The following CSF1R variants were observed in gnomAD, a reference collection of about 807,000 sequenced individuals.
CSF1R encodes the protein colony stimulating factor 1 receptor.
CSF1R carries 40 observed loss-of-function variants against 110.0 expected under a neutral mutation model. That is an observed-to-expected ratio of 0.36 (90% CI 0.28 to 0.47). The LOEUF is 0.47. Ranked by LOEUF, CSF1R falls within the 20% of genes least tolerant of loss-of-function variation. The pLI is 0.99. For synonymous variants in CSF1R, 523 were observed against 503.4 expected, an observed-to-expected ratio of 1.04 and a Z score of -0.52; for missense variants, 1,052 against 1,253.0, an observed-to-expected ratio of 0.84 and a Z score of 2.42.
At chr5:150,054,727 C>A (rs915980385) in intron 19 of CSF1R, 1 of 346,486 alleles carries the variant, frequency 2.9e-6, no homozygotes, top group African/African-American at 2.1e-5. Context: ...TGGCTCATTC[C>A]TGTAATCCCA....
rs1484548899 is a variant in CSF1R, at chr5:150,080,040, T to C, written c.592+12A>G. ...CTTCAGGCCTGGCTGCCGGTCCCCATGCCCCACGCACCTTTCTGCACTTTC... is the reference window on the plus strand; with the variant it reads ...CTTCAGGCCTGGCTGCCGGTCCCCACGCCCCACGCACCTTTCTGCACTTTC... On this transcript the variant is annotated intron_variant, in intron 3 of 20. Transcript: ENST00000675795. 2.5e-6 allele frequency: 4 copies of C among 1,609,040 alleles called. No homozygotes were observed. Among genetic ancestry groups the C allele is most frequent in the Non-Finnish European group, 3.4e-6 (4 of 1,176,264 alleles).
At chr5:150,105,945 G>A (rs551242138) in intron 1 of CSF1R, among the ~76,000 whole-genome samples, 11 of 152,346 alleles carry the variant, frequency 7.2e-5, no homozygotes, top group Non-Finnish European at 1.3e-4. Flanking sequence ...CCATTTTGCC[G>A]ATGAGGAAAC....
At chr5:150,101,456 G>A (rs1011122345) in intron 1 of CSF1R, among the ~76,000 whole-genome samples, 3 of 152,196 alleles carry the variant, frequency 2.0e-5, no homozygotes, top group African/African-American at 7.2e-5. Flanking sequence ...CTAACTGATA[G>A]AGTGAGCTAA....
At chr5:150,066,126 G>T (rs1191203754) in intron 10 of CSF1R, among the ~76,000 whole-genome samples, 1 of 152,116 alleles carries the variant, frequency 6.6e-6, no homozygotes, top group Non-Finnish European at 1.5e-5. Context: ...GATGATGCCC[G>T]ACCTCAGACC....
upstream of CSF1R, among the ~76,000 whole-genome samples, chr5:150,089,905 G>T (rs1048677653): frequency 1.3e-5 from 2 of 152,078 alleles, no homozygotes; most frequent in African/African-American, 4.8e-5. Flanking sequence ...ATTCAACAAG[G>T]GTGGCAGGAC....
At chr5:150,073,224 G>T in intron 6 of CSF1R, 77 bp downstream of exon 6, 1 of 1,455,876 alleles carries the variant, frequency 6.9e-7, no homozygotes, top group Non-Finnish European at 9.4e-7. Context: ...TGGGACATGA[G>T]CCAAGCGTCC....
chr5:150,081,468 G>GA (rs747828024), intron 1 of CSF1R, among the ~76,000 whole-genome samples: 44 of 151,104 alleles, frequency 2.9e-4, no homozygotes, highest in Admixed American at 1.2e-3. Flanking sequence ...ATATGGGAAA[G>GA]AAAAAAAAAG....
At chr5:150,111,996 T>C (rs1581358965) in intron 1 of CSF1R, among the ~76,000 whole-genome samples, 1 of 152,356 alleles carries the variant, frequency 6.6e-6, no homozygotes, top group East Asian at 1.9e-4. Context: ...ATTACCTCTT[T>C]ACAAATGAGT....
chr5:150,105,386 T>TATATATATATATA (rs1561967340), intron 1 of CSF1R, among the ~76,000 whole-genome samples: 1 of 51,700 alleles, frequency 1.9e-5, no homozygotes, highest in East Asian at 4.2e-4. Context: ...ATATATATAT[T>TATATATATATATA]TTTTTTTTTT....
intron 19 of CSF1R, 60 bp downstream of exon 19, chr5:150,055,177 C>T (rs919462306): frequency 5.1e-5 from 74 of 1,464,946 alleles, no homozygotes; most frequent in Non-Finnish European, 7.0e-5. Context: ...CACGGCCTTC[C>T]ATCCCTTTCC....
rs767715037 is a variant in CSF1R, at chr5:150,055,239, A to G, written c.2652T>C (p.Asn884=). 6.2e-7 allele frequency: 1 copy of G among 1,613,882 alleles called. No individual in the cohort carries two copies. The highest frequency in any genetic ancestry group is 8.5e-7 in the Non-Finnish European group (1 of 1,179,822). The change falls in exon 19 of 21, where the codon AAT becomes AAC. Residue 884 remains asparagine, a splice_region_variant and synonymous_variant. Coordinates refer to ENST00000675795, the MANE Select transcript of CSF1R (RefSeq NM_001288705.3). ...QMAQPAFAPK[N]IYSIMQACWA... is the part of the protein sequence containing the mutation. ...CTCCCTGGGATCCCTTCGCTTACAT[A>G]TTCTTTGGGGCAAATGCAGGCTGGG...
chr5:150,060,774 A>G (rs1362885203), intron 13 of CSF1R, 88 bp downstream of exon 13: 8 of 786,548 alleles, frequency 1.0e-5, no homozygotes, highest in Admixed American at 9.9e-5. Context: ...GGATCCTGAG[A>G]AGGAGAAGAC....
At chr5:150,077,100 G>C in intron 5 of CSF1R, 176 bp downstream of exon 5, 1 of 756,364 alleles carries the variant, frequency 1.3e-6, no homozygotes, top group Non-Finnish European at 2.3e-6. Flanking sequence ...GATCCCAGGA[G>C]AGGGTAAGGG....
intron 5 of CSF1R, 127 bp from the exon 6 acceptor site, chr5:150,073,620 C>T: frequency 1.1e-6 from 1 of 879,490 alleles, no homozygotes; most frequent in South Asian, 1.9e-5. Context: ...GTCCCCACCA[C>T]CCAAGACAGG....
At position 150,080,034 on chromosome 5, in the gene CSF1R, T is replaced by C. The variant is rs760950092; in HGVS notation, c.592+18A>G. The C allele has an allele frequency of 6.2e-7, 1 of 1,606,460 alleles. No homozygotes were observed. Among genetic ancestry groups the C allele is most frequent in the Non-Finnish European group, 8.5e-7 (1 of 1,174,660 alleles). ...CCCACTCTTCAGGCCTGGCTGCCGG[T>C]CCCCATGCCCCACGCACCTTTCTGC... On this transcript the variant is annotated intron_variant, in intron 3 of 20. Coordinates refer to ENST00000675795, the MANE Select transcript of CSF1R (RefSeq NM_001288705.3).
intron 1 of CSF1R, among the ~76,000 whole-genome samples, chr5:150,112,926 A>C (rs943076898): frequency 6.6e-6 from 1 of 152,180 alleles, no homozygotes; most frequent in East Asian, 1.9e-4. Flanking sequence ...CCGTTTCCCC[A>C]GCTCAGAGAG....
chr5:150,108,958 C>T (rs986531502), intron 1 of CSF1R, among the ~76,000 whole-genome samples: 2 of 152,124 alleles, frequency 1.3e-5, no homozygotes, highest in African/African-American at 4.8e-5. Flanking sequence ...CCAATGGTCC[C>T]TCGCCAGACC....
chr5:150,069,423 G>A (rs1045844284), intron 9 of CSF1R, among the ~76,000 whole-genome samples: 3 of 152,192 alleles, frequency 2.0e-5, no homozygotes, highest in Admixed American at 6.5e-5. Flanking sequence ...AGCAAGAGGG[G>A]AGAGTTGGAG....
chr5:150,053,295 T>C lies in CSF1R; in HGVS notation c.*774A>G, dbSNP rs371174880. 4.0e-4 allele frequency: 94 copies of C among 232,490 alleles called. 1 individual carries two copies. Among genetic ancestry groups the C allele is most frequent in the African/African-American group, 1.7e-3 (79 of 45,370 alleles). 14.4% of individuals were successfully genotyped at this position (232,490 alleles called of 1,614,324 possible). A position where few individuals can be genotyped will look rare whatever the true frequency, so the allele number is the denominator to read the frequency against. On this transcript the variant is annotated 3_prime_UTR_variant, in exon 21 of 21. Coordinates refer to ENST00000675795, the MANE Select transcript of CSF1R (RefSeq NM_001288705.3). ...GTGGCACAAAGAACCAGAGGCTGACTGCATTAATGCTGTTAGTTTAATGTG... is the reference window on the plus strand; with the variant it reads ...GTGGCACAAAGAACCAGAGGCTGACCGCATTAATGCTGTTAGTTTAATGTG...
Sources: gnomAD v4.1 joint callset for allele counts (sites outside exome capture counted in the v4.1 genomes callset) on GRCh38, gnomAD v4.1.1 for gene constraint, MANE v1.5 for transcripts, NCBI Gene and HGNC (gene_info 2026-07-23, HGNC 2026-07-21) for gene names.